NME7: variants seen among roughly 807,000 people sequenced by gnomAD.
NME7 encodes the protein nucleoside diphosphate kinase 7.
In NME7, 41 loss-of-function variants were observed where a neutral mutation model predicts 49.1. The observed-to-expected ratio is 0.83, with a 90% CI of 0.65 to 1.08. The LOEUF is 1.08. Among genes scored for constraint, NME7 ranks in the 50% least tolerant of loss-of-function variants. The probability of loss-of-function intolerance (pLI) is 0.00; values close to 1 mark genes in which losing one functional copy is unlikely to be tolerated. For synonymous variants in NME7, 139 were observed against 150.6 expected (o/e 0.92, Z 0.56); for missense variants, 423 against 463.4 (o/e 0.91, Z 0.80).
rs966300167 is a variant in NME7 at position 169,132,614 on chromosome 1, G to A, written c.*171C>T. On this transcript the variant is annotated 3_prime_UTR_variant, in exon 12 of 12. Coordinates refer to ENST00000367811, the MANE Select transcript of NME7 (RefSeq NM_013330.5). ...ACTGGTGTTAAATGTTGTCTACAGT[G>A]CAAAATCCATGTTCTAACATATGTA... 34 of 578,390 alleles carry A rather than the reference G, an allele frequency of 5.9e-5. No individual in the cohort carries two copies. Among genetic ancestry groups the A allele is most frequent in the Admixed American group, 6.8e-5 (2 of 29,434 alleles). 35.8% of individuals were successfully genotyped at this position (578,390 alleles called of 1,614,324 possible). A position where few individuals can be genotyped will look rare whatever the true frequency, so the allele number is the denominator to read the frequency against.
intron 9 of NME7, among the ~76,000 whole-genome samples, chr1:169,232,972 A>G (rs1161972844): frequency 7.8e-6 from 1 of 127,876 alleles, no homozygotes; most frequent in African/African-American, 3.0e-5. Flanking sequence ...CAGCTGGAGC[A>G]CAGTGGCACG....
At chr1:169,357,464 A>T (rs1653505412) in intron 1 of NME7, among the ~76,000 whole-genome samples, 1 of 152,092 alleles carries the variant, frequency 6.6e-6, no homozygotes, top group African/African-American at 2.4e-5. Context: ...GGGTATTGGG[A>T]GACAAGATAA....
chr1:169,228,877 CAG>C (rs946174688), intron 10 of NME7, among the ~76,000 whole-genome samples: 32 of 152,114 alleles, frequency 2.1e-4, no homozygotes, highest in Admixed American at 1.6e-3. Context: ...GCCTTTGCAA[CAG>C]AGTCACCTTG....
intron 1 of NME7, among the ~76,000 whole-genome samples, chr1:169,331,388 A>C (rs942233587): frequency 6.6e-6 from 1 of 152,182 alleles, no homozygotes; most frequent in Non-Finnish European, 1.5e-5. Context: ...GAAAAACTAA[A>C]AGCCTTTCCT....
At chr1:169,211,294 C>T (rs1230013823) in intron 10 of NME7, among the ~76,000 whole-genome samples, 1 of 152,096 alleles carries the variant, frequency 6.6e-6, no homozygotes, top group Non-Finnish European at 1.5e-5. Context: ...TAGGGGAAAA[C>T]ATTATTTTGT....
chr1:169,311,540 C>T (rs544959366), intron 3 of NME7, among the ~76,000 whole-genome samples: 82 of 151,518 alleles, frequency 5.4e-4, no homozygotes, highest in African/African-American at 1.9e-3. Context: ...ACAAATTATA[C>T]CAGATAATGT....
At chr1:169,309,720 A>C (rs1344301243) in intron 4 of NME7, among the ~76,000 whole-genome samples, 1 of 152,026 alleles carries the variant, frequency 6.6e-6, no homozygotes, top group East Asian at 1.9e-4. Context: ...GCACTGCTTG[A>C]TACTCACTTT....
intron 1 of NME7, among the ~76,000 whole-genome samples, chr1:169,335,622 T>A (rs1447914443): frequency 6.6e-6 from 1 of 151,232 alleles, no homozygotes; most frequent in African/African-American, 2.4e-5. Flanking sequence ...ATGGCACATG[T>A]GTACCTATGT....
chr1:169,133,066 A>G (rs887757694), intron 11 of NME7, among the ~76,000 whole-genome samples: 3 of 151,996 alleles, frequency 2.0e-5, no homozygotes, highest in Non-Finnish European at 2.9e-5. Flanking sequence ...GGTTCCTGCT[A>G]TTGCTTCACT....
At chr1:169,164,501 G>A (rs1026793850) in intron 11 of NME7, among the ~76,000 whole-genome samples, 2 of 152,118 alleles carry the variant, frequency 1.3e-5, no homozygotes, top group South Asian at 2.1e-4. Flanking sequence ...TGTTATCTTC[G>A]TTTTACAGAG....
intron 10 of NME7, among the ~76,000 whole-genome samples, chr1:169,182,570 C>T (rs1259298048): frequency 6.6e-6 from 1 of 152,150 alleles, no homozygotes; most frequent in Non-Finnish European, 1.5e-5. Context: ...TCTACTCCTA[C>T]TATCACAGTT....
intron 7 of NME7, among the ~76,000 whole-genome samples, chr1:169,264,867 C>T (rs1467429214): frequency 3.8e-5 from 5 of 133,042 alleles, no homozygotes; most frequent in African/African-American, 1.3e-4. Context: ...TATCTGAGAC[C>T]GGGTAATTTA....
chr1:169,230,383 C>T (rs1557998235), intron 10 of NME7, among the ~76,000 whole-genome samples: 1 of 151,986 alleles, frequency 6.6e-6, no homozygotes, highest in Admixed American at 6.5e-5. Flanking sequence ...TATGGCCCCC[C>T]TATGTCAAAG....
At chr1:169,315,775 A>G (rs1651600734) in intron 3 of NME7, among the ~76,000 whole-genome samples, 1 of 152,172 alleles carries the variant, frequency 6.6e-6, no homozygotes, top group African/African-American at 2.4e-5. Flanking sequence ...ACCAAAGAAG[A>G]CAACACAAAG....
intron 6 of NME7, among the ~76,000 whole-genome samples, chr1:169,293,022 A>C (rs1650568206): frequency 6.6e-6 from 1 of 152,140 alleles, no homozygotes; most frequent in Non-Finnish European, 1.5e-5. Flanking sequence ...CAGGCTGGGC[A>C]TGATGGCTTA....
At chr1:169,244,158 A>G (rs1483311176) in intron 7 of NME7, among the ~76,000 whole-genome samples, 1 of 152,178 alleles carries the variant, frequency 6.6e-6, no homozygotes, top group Non-Finnish European at 1.5e-5. Flanking sequence ...ATGTATATGT[A>G]GTAAATTCTG....
intron 11 of NME7, among the ~76,000 whole-genome samples, chr1:169,160,829 G>T (rs1659220194): frequency 6.6e-6 from 1 of 152,126 alleles, no homozygotes; most frequent in African/African-American, 2.4e-5. Flanking sequence ...CATTCCCACA[G>T]GCTACCTTTC....
chr1:169,186,454 T>A (rs553739311), intron 10 of NME7, among the ~76,000 whole-genome samples: 1 of 152,312 alleles, frequency 6.6e-6, no homozygotes, highest in African/African-American at 2.4e-5. Context: ...TTGTTATTGG[T>A]CTATTCAGGG....
Position 169,274,491 on chromosome 1 carries a change from T to A in NME7, c.754+12812A>T, listed in dbSNP as rs1649620773. ...TTTAATTAGATCCCATCTGTCAATT[T>A]TGGCTTTTGTTGCCATTGCTTTTGG... On this transcript the variant is annotated intron_variant, in intron 7 of 11. Coordinates refer to ENST00000367811, the MANE Select transcript of NME7 (RefSeq NM_013330.5). Among the ~76,000 whole-genome samples the A allele has an allele frequency of 1.5e-5, 2 of 134,206 alleles. 1 individual carries two copies. The highest frequency in any genetic ancestry group is 5.1e-5 in the African/African-American group (2 of 39,588). The allele number at this position is 134,206 out of a possible 152,430, so 88.0% of individuals were successfully genotyped here. A position where few individuals can be genotyped will look rare whatever the true frequency, so the allele number is the denominator to read the frequency against.
Sources: gnomAD v4.1 joint callset for allele counts (sites outside exome capture counted in the v4.1 genomes callset) on GRCh38, gnomAD v4.1.1 for gene constraint, MANE v1.5 for transcripts, NCBI Gene and HGNC (gene_info 2026-07-23, HGNC 2026-07-21) for gene names.